Variants in REDIC1 observed in about 807,000 individuals in gnomAD.
REDIC1 encodes regulator of DNA class I crossover intermediates 1.
At chr12:39,725,404 C>T in the REDIC1 span, among the ~76,000 whole-genome samples, 1 of 152,066 alleles carries the variant, frequency 6.6e-6, no homozygotes, top group Non-Finnish European at 1.5e-5. Context: ...AAAGGTTTTT[C>T]TTGATTGTAT....
the REDIC1 span, among the ~76,000 whole-genome samples, chr12:39,751,150 T>C: frequency 6.6e-6 from 1 of 152,208 alleles, no homozygotes; most frequent in African/African-American, 2.4e-5. Flanking sequence ...AGAACATTTT[T>C]GCAATCTACT....
chr12:39,825,233 G>A, the REDIC1 span, among the ~76,000 whole-genome samples: 16 of 152,262 alleles, frequency 1.1e-4, no homozygotes, highest in African/African-American at 3.4e-4. Flanking sequence ...GAGGTTTGAA[G>A]TTTCAGAATA....
chr12:39,704,732 C>A, the REDIC1 span, among the ~76,000 whole-genome samples: 10 of 152,170 alleles, frequency 6.6e-5, no homozygotes, highest in Non-Finnish European at 1.5e-4. Context: ...GCATGGAATA[C>A]TATGCAGCCA....
chr12:39,886,873 T>C, the REDIC1 span, among the ~76,000 whole-genome samples: 1 of 152,188 alleles, frequency 6.6e-6, no homozygotes, highest in Admixed American at 6.5e-5. Context: ...AGAAGTAATA[T>C]TTTTGAGCAC....
chr12:39,788,201 T>C, the REDIC1 span, among the ~76,000 whole-genome samples: 2 of 152,196 alleles, frequency 1.3e-5, no homozygotes, highest in African/African-American at 2.4e-5. Context: ...GTCATTTTCC[T>C]ACATTTATAA....
chr12:39,628,591 A>G, the REDIC1 span, among the ~76,000 whole-genome samples: 1 of 152,194 alleles, frequency 6.6e-6, no homozygotes, highest in Non-Finnish European at 1.5e-5. Context: ...TTCCTTCAGA[A>G]CAATTCCAGA....
the REDIC1 span, among the ~76,000 whole-genome samples, chr12:39,676,766 A>T: frequency 1.3e-5 from 2 of 152,158 alleles, no homozygotes; most frequent in Non-Finnish European, 2.9e-5. Flanking sequence ...TCTCAGCAGA[A>T]ACCCTACAAG....
At chr12:39,903,857 G>A in the REDIC1 span, among the ~76,000 whole-genome samples, 1 of 152,054 alleles carries the variant, frequency 6.6e-6, no homozygotes, top group Non-Finnish European at 1.5e-5. Context: ...AGATTGAGTG[G>A]CCTCTTATAT....
chr12:39,693,751 G>A, the REDIC1 span, among the ~76,000 whole-genome samples: 11 of 152,096 alleles, frequency 7.2e-5, no homozygotes, highest in Non-Finnish European at 1.5e-4. Context: ...TACTGTAAGT[G>A]AACAATTTTG....
chr12:39,690,395 C>A, the REDIC1 span, among the ~76,000 whole-genome samples: 1 of 151,970 alleles, frequency 6.6e-6, no homozygotes, highest in South Asian at 2.1e-4. Context: ...GGAACGTATT[C>A]ACCAGAGAAG....
At chr12:39,701,058 A>C in the REDIC1 span, among the ~76,000 whole-genome samples, 1 of 151,742 alleles carries the variant, frequency 6.6e-6, no homozygotes, top group Non-Finnish European at 1.5e-5. Context: ...CTAACATCAT[A>C]ATGACAGGAT....
chr12:39,662,570 C>T, the REDIC1 span, among the ~76,000 whole-genome samples: 26 of 151,798 alleles, frequency 1.7e-4, no homozygotes, highest in African/African-American at 6.0e-4. Context: ...ATCATGTCAT[C>T]TGCAAAGAGG....
the REDIC1 span, among the ~76,000 whole-genome samples, chr12:39,694,037 C>G: frequency 2.6e-5 from 4 of 152,194 alleles, no homozygotes; most frequent in African/African-American, 7.2e-5. Context: ...GCGCTTCGCT[C>G]TGTGTGAAGT....
the REDIC1 span, among the ~76,000 whole-genome samples, chr12:39,785,382 G>A: frequency 2.6e-4 from 40 of 152,248 alleles, no homozygotes; most frequent in African/African-American, 9.4e-4. Context: ...CGTTGAGCCT[G>A]TGGGTGCACA....
At chr12:39,713,225 C>G in the REDIC1 span, among the ~76,000 whole-genome samples, 2 of 146,580 alleles carry the variant, frequency 1.4e-5, no homozygotes, top group Non-Finnish European at 3.0e-5. Context: ...TTATATTACA[C>G]ATATACGTGT....
chr12:39,645,147 C>T, the REDIC1 span, among the ~76,000 whole-genome samples: 1 of 151,922 alleles, frequency 6.6e-6, no homozygotes, highest in East Asian at 1.9e-4. Context: ...TGACCTGCTT[C>T]AGGGGAAAGC....
chr12:39,712,860 T>C, the REDIC1 span, among the ~76,000 whole-genome samples: 5 of 14,010 alleles, frequency 3.6e-4, no homozygotes, highest in African/African-American at 5.2e-4. Context: ...CACATATGTA[T>C]ATACACGTAT....
the REDIC1 span, among the ~76,000 whole-genome samples, chr12:39,805,434 G>A: frequency 6.6e-6 from 1 of 152,062 alleles, no homozygotes; most frequent in East Asian, 1.9e-4. Flanking sequence ...TGGGTACATC[G>A]TGAAGGAGCA....
At chr12:39,820,149 G>C in the REDIC1 span, among the ~76,000 whole-genome samples, 1 of 151,968 alleles carries the variant, frequency 6.6e-6, no homozygotes, top group African/African-American at 2.4e-5. Flanking sequence ...TGTAATTTTT[G>C]GAGGGTTCCA....
Sources: gnomAD v4.1 joint callset for allele counts (sites outside exome capture counted in the v4.1 genomes callset) on GRCh38, gnomAD v4.1.1 for gene constraint, MANE v1.5 for transcripts, NCBI Gene and HGNC (gene_info 2026-07-23, HGNC 2026-07-21) for gene names.